Variants in SH3GL2 observed in about 807,000 individuals in gnomAD.
SH3GL2 encodes SH3 domain containing GRB2 like 2, endophilin A1.
In SH3GL2, 24 loss-of-function variants were observed where a neutral mutation model predicts 46.0. The observed-to-expected ratio is 0.52, with a 90% confidence interval of 0.38 to 0.73. The LOEUF (loss-of-function observed/expected upper bound fraction) is 0.73. Ranked by LOEUF, SH3GL2 falls within the 30% of genes least tolerant of loss-of-function variation. SH3GL2 has a pLI of 0.00. For synonymous variants in SH3GL2, 196 were observed against 147.1 expected (o/e 1.33, Z -2.40); for missense variants, 413 against 424.2 (o/e 0.97, Z 0.23).
At chr9:17,761,916 A>C (rs1292176648) in intron 3 of SH3GL2, among the ~76,000 whole-genome samples, 1 of 152,174 alleles carries the variant, frequency 6.6e-6, no homozygotes, top group Non-Finnish European at 1.5e-5. Flanking sequence ...TTTTCATGAA[A>C]CACAGAGGGT....
intron 3 of SH3GL2, among the ~76,000 whole-genome samples, chr9:17,771,927 C>T (rs1162248523): frequency 6.6e-6 from 1 of 152,150 alleles, no homozygotes; most frequent in Non-Finnish European, 1.5e-5. Context: ...TCCCTTTTCT[C>T]AGTGTCTTCT....
chr9:17,654,996 A>G (rs1820040814), intron 1 of SH3GL2, among the ~76,000 whole-genome samples: 1 of 152,198 alleles, frequency 6.6e-6, no homozygotes, highest in Non-Finnish European at 1.5e-5. Flanking sequence ...GGTGTTTTGC[A>G]GTTGTTCATA....
chr9:17,723,132 G>A (rs1821936826), intron 1 of SH3GL2, among the ~76,000 whole-genome samples: 2 of 152,042 alleles, frequency 1.3e-5, no homozygotes, highest in Admixed American at 6.5e-5. Flanking sequence ...GTAGATAAAT[G>A]GTCTTTGTGG....
At chr9:17,670,819 A>C (rs1472225101) in intron 1 of SH3GL2, among the ~76,000 whole-genome samples, 1 of 152,176 alleles carries the variant, frequency 6.6e-6, no homozygotes, top group Non-Finnish European at 1.5e-5. Context: ...ACTTACATAT[A>C]CATCAGTGAT....
chr9:17,680,232 G>C (rs1425799609), intron 1 of SH3GL2, among the ~76,000 whole-genome samples: 1 of 152,146 alleles, frequency 6.6e-6, no homozygotes, highest in East Asian at 1.9e-4. Flanking sequence ...ACCTCTGGTA[G>C]AATTCGGCTG....
intron 1 of SH3GL2, among the ~76,000 whole-genome samples, chr9:17,730,907 A>G (rs1822160899): frequency 6.6e-6 from 1 of 152,152 alleles, no homozygotes; most frequent in Non-Finnish European, 1.5e-5. Context: ...CCAAAACAAA[A>G]GGACAAAAAC....
chr9:17,729,717 A>G (rs1822120276), intron 1 of SH3GL2, among the ~76,000 whole-genome samples: 1 of 152,192 alleles, frequency 6.6e-6, no homozygotes, highest in Non-Finnish European at 1.5e-5. Flanking sequence ...CTAAATAGGT[A>G]ATTCTTTCCC....
chr9:17,725,177 G>C (rs1563828151), intron 1 of SH3GL2, among the ~76,000 whole-genome samples: 1 of 152,110 alleles, frequency 6.6e-6, no homozygotes, highest in Non-Finnish European at 1.5e-5. Context: ...CCTCAAGTTA[G>C]TAAGGCTTTT....
At chr9:17,694,305 G>T (rs1409515122) in intron 1 of SH3GL2, among the ~76,000 whole-genome samples, 1 of 152,132 alleles carries the variant, frequency 6.6e-6, no homozygotes, top group Non-Finnish European at 1.5e-5. Flanking sequence ...CACAATGGCG[G>T]AGCAGGAGAG....
At chr9:17,746,631 T>G (rs1241588504) in intron 1 of SH3GL2, among the ~76,000 whole-genome samples, 1 of 152,196 alleles carries the variant, frequency 6.6e-6, no homozygotes, top group East Asian at 1.9e-4. Flanking sequence ...GATAGATGTT[T>G]GTGATTATCT....
At chr9:17,595,549 C>G (rs577899475) in intron 1 of SH3GL2, among the ~76,000 whole-genome samples, 2 of 152,252 alleles carry the variant, frequency 1.3e-5, no homozygotes, top group Non-Finnish European at 2.9e-5. Flanking sequence ...TTTTAGGAAA[C>G]TATTCACAGA....
intron 1 of SH3GL2, among the ~76,000 whole-genome samples, chr9:17,598,509 G>A (rs1818614302): frequency 6.6e-6 from 1 of 152,146 alleles, no homozygotes; most frequent in Admixed American, 6.5e-5. Context: ...AAGAAACCAG[G>A]CCTTTGCAGA....
rs201991377 is a variant in SH3GL2 at position 17,585,671 on chromosome 9, TCTCAGTGCAGTTCACAG to T, written c.45+6402_45+6418del. Among the ~76,000 whole-genome samples the T allele has an allele frequency of 2.7e-4, 41 of 152,268 alleles. No homozygotes were observed. The East Asian group carries it at 6.6e-3, about 24-fold the overall frequency. ...TGTGGGCAAGTGCCTTTACTAGTGA[TCTCAGTGCAGTTCACAG>T]CTCAGTGCAGTTCACAGTGCGTTGC... is the stretch of plus-strand genomic sequence containing the variant. On this transcript the variant is annotated intron_variant, in intron 1 of 8. Transcript: ENST00000380607.
intron 1 of SH3GL2, among the ~76,000 whole-genome samples, chr9:17,601,615 A>G (rs887198061): frequency 2.6e-5 from 4 of 152,350 alleles, no homozygotes; most frequent in East Asian, 3.9e-4. Context: ...AGGTGAAGTT[A>G]TATATTGAAA....
chr9:17,588,887 C>G (rs1271297850), intron 1 of SH3GL2, among the ~76,000 whole-genome samples: 1 of 152,138 alleles, frequency 6.6e-6, no homozygotes, highest in Non-Finnish European at 1.5e-5. Flanking sequence ...TTGGCTGGAA[C>G]TTGTAACATG....
At chr9:17,607,089 A>T (rs1041492387) in intron 1 of SH3GL2, among the ~76,000 whole-genome samples, 2 of 152,202 alleles carry the variant, frequency 1.3e-5, no homozygotes, top group African/African-American at 4.8e-5. Flanking sequence ...AGTTCCTTAA[A>T]ATTATGACAT....
chr9:17,760,126 TC>T (rs1563842840), intron 2 of SH3GL2, among the ~76,000 whole-genome samples: 2 of 152,138 alleles, frequency 1.3e-5, no homozygotes, highest in East Asian at 3.9e-4. Context: ...ACACACTCAA[TC>T]TTAAAGATCT....
At chr9:17,775,864 A>G (rs763518674) in intron 3 of SH3GL2, among the ~76,000 whole-genome samples, 18 of 152,058 alleles carry the variant, frequency 1.2e-4, no homozygotes, top group South Asian at 4.1e-4. Context: ...GTGTTCATCA[A>G]CTCACACCAA....
chr9:17,600,244 C>T (rs1245107324), intron 1 of SH3GL2, among the ~76,000 whole-genome samples: 1 of 152,176 alleles, frequency 6.6e-6, no homozygotes, highest in Non-Finnish European at 1.5e-5. Context: ...GATAGAAACA[C>T]AGCCTCTTAA....
Sources: gnomAD v4.1 joint callset for allele counts (sites outside exome capture counted in the v4.1 genomes callset) on GRCh38, gnomAD v4.1.1 for gene constraint, MANE v1.5 for transcripts, NCBI Gene and HGNC (gene_info 2026-07-23, HGNC 2026-07-21) for gene names.